The following RFC1 variants were observed in gnomAD, a reference collection of about 807,000 sequenced individuals.
The protein encoded by RFC1 is A1 140 kDa subunit.
In RFC1, 37 loss-of-function variants were observed where a neutral mutation model predicts 137.4. The observed-to-expected ratio is 0.27, with a 90% CI of 0.21 to 0.35. The LOEUF is 0.35. RFC1 is among the 10% of genes least tolerant of loss of function. RFC1 has a pLI of 1.00. For missense variants in RFC1, 1,205 were observed against 1,358.5 expected (o/e 0.89, Z 1.78); for synonymous variants, 429 against 455.7 (o/e 0.94, Z 0.75).
At chr4:39,296,835 T>C (rs1260342920) in intron 21 of RFC1, among the ~76,000 whole-genome samples, 1 of 149,882 alleles carries the variant, frequency 6.7e-6, no homozygotes, top group African/African-American at 2.4e-5. Flanking sequence ...CACACTGACT[T>C]CCACAATGGT....
intron 21 of RFC1, among the ~76,000 whole-genome samples, chr4:39,298,307 C>CAAAAAAA (rs55727769): frequency 4.1e-4 from 46 of 111,204 alleles, no homozygotes; most frequent in African/African-American, 1.4e-3. Flanking sequence ...GACCTTGTCT[C>CAAAAAAA]AAAAAAAAAA....
rs540225174 is a variant in RFC1, at chr4:39,302,272, T to C, written c.2535+6A>G. On this transcript the variant is annotated splice_donor_region_variant and intron_variant, in intron 19 of 24. Coordinates refer to ENST00000349703, the MANE Select transcript of RFC1 (RefSeq NM_002913.5). ...AAAGTAACTAAGACATGGACATTTA[T>C]TTTACCATTTTGATATCCTTTTTGG... 2.3e-5 allele frequency: 37 copies of C among 1,581,216 alleles called. No individual in the cohort carries two copies. In the South Asian group the frequency reaches 3.6e-4, roughly 16 times the overall value.
At chr4:39,327,930 G>A (rs553309291) in intron 4 of RFC1, among the ~76,000 whole-genome samples, 174 bp from the exon 5 acceptor site, 27 of 152,162 alleles carry the variant, frequency 1.8e-4, no homozygotes, top group African/African-American at 6.3e-4. Context: ...TCAGGAGTTC[G>A]AGACCAGTCT....
intron 22 of RFC1, among the ~76,000 whole-genome samples, chr4:39,292,802 C>T (rs939710691): frequency 3.3e-5 from 5 of 150,486 alleles, no homozygotes; most frequent in Admixed American, 6.6e-5. Context: ...CCACCACACC[C>T]GGCTAATTTT....
At chr4:39,365,596 G>T in intron 1 of RFC1, 1 of 474,984 alleles carries the variant, frequency 2.1e-6, no homozygotes, top group Non-Finnish European at 2.8e-6. Flanking sequence ...GATGACAGCT[G>T]TCAAATGTCT....
intron 12 of RFC1, among the ~76,000 whole-genome samples, chr4:39,310,765 T>C (rs1318083009): frequency 1.3e-5 from 2 of 152,246 alleles, no homozygotes. Flanking sequence ...AATACAGTTC[T>C]AATTGAAAAC....
At chr4:39,304,953 G>C (rs936991545) in intron 14 of RFC1, 25 bp from the exon 15 acceptor site, 1 of 1,371,570 alleles carries the variant, frequency 7.3e-7, no homozygotes. Flanking sequence ...GGAAACCACT[G>C]AAGGCACAAT....
rs144679987 is a variant in RFC1 at position 39,306,637 on chromosome 4, G to A, written c.1950C>T (p.Gly650=). 107 of 1,613,314 alleles carry A rather than the reference G, an allele frequency of 6.6e-5. No individual in the cohort carries two copies. Among genetic ancestry groups the A allele is most frequent in the African/African-American group, 3.3e-4 (25 of 74,886 alleles). Residue 650 remains glycine, a synonymous_variant, in exon 14 of 25, where the codon GGC becomes GGT. Transcript: ENST00000349703. The part of the protein sequence containing the change: ...GSSFKAALLS[G]PPGVGKTTTA... Reference sequence around the variant, plus strand: ...TGGTGGTTTTGCCAACACCAGGAGGGCCTGACAGCAACGCTGCTTTAAAAC... The same window carrying A: ...TGGTGGTTTTGCCAACACCAGGAGGACCTGACAGCAACGCTGCTTTAAAAC...
At chr4:39,290,175 A>T in intron 23 of RFC1, 136 bp from the exon 24 acceptor site, 1 of 565,170 alleles carries the variant, frequency 1.8e-6, no homozygotes, top group East Asian at 2.8e-5. Flanking sequence ...TGTAAATCTA[A>T]GTACGTGCAT....
At chr4:39,359,044 C>T (rs996380504) in intron 1 of RFC1, among the ~76,000 whole-genome samples, 1 of 152,142 alleles carries the variant, frequency 6.6e-6, no homozygotes, top group Non-Finnish European at 1.5e-5. Context: ...TCAGCTGGGA[C>T]CTGCTTCTCT....
chr4:39,289,130 T>C (rs1737527517), intron 24 of RFC1, among the ~76,000 whole-genome samples: 1 of 152,150 alleles, frequency 6.6e-6, no homozygotes, highest in African/African-American at 2.4e-5. Context: ...GAGGTATACT[T>C]AGGAAAGACA....
intron 1 of RFC1, among the ~76,000 whole-genome samples, chr4:39,355,092 A>AC: frequency 1.2e-5 from 1 of 86,064 alleles, no homozygotes; most frequent in Non-Finnish European, 2.4e-5. Context: ...AAAAAAAAAA[A>AC]AAAAATACAC....
Position 39,362,994 on chromosome 4 carries a change from G to A in RFC1, c.3+3245C>T, listed in dbSNP as rs35425513. ...AGCATTCCACATAGTAAACCATGAT[G>A]TGAAAGTTGCCTGCCTGTAGGAGTG... On this transcript the variant is annotated intron_variant, in intron 1 of 24. Transcript: ENST00000349703. Among the ~76,000 whole-genome samples the A allele has an allele frequency of 7.7e-3, 1,170 of 152,356 alleles. 8 individuals are homozygous for A. Among genetic ancestry groups the A allele is most frequent in the Non-Finnish European group, 0.013 (893 of 68,034 alleles).
At chr4:39,339,535 T>A (rs80259234) in intron 4 of RFC1, among the ~76,000 whole-genome samples, 1 of 152,222 alleles carries the variant, frequency 6.6e-6, no homozygotes, top group African/African-American at 2.4e-5. Context: ...GCCACTTTTA[T>A]GCATTCTCTG....
At chr4:39,346,685 TAGC>T (rs1740878240) in intron 2 of RFC1, among the ~76,000 whole-genome samples, 1 of 152,130 alleles carries the variant, frequency 6.6e-6, no homozygotes, top group Non-Finnish European at 1.5e-5. Context: ...AACAATCAAC[TAGC>T]TTGCAAGAAA....
intron 4 of RFC1, among the ~76,000 whole-genome samples, chr4:39,335,275 T>A (rs533506572): frequency 6.6e-6 from 1 of 152,364 alleles, no homozygotes; most frequent in African/African-American, 2.4e-5. Context: ...AAAAGGTTCA[T>A]GTATGTGCCA....
In RFC1 at chr4:39,288,814, G is replaced by T. The variant is rs749903526; in HGVS notation, c.3391C>A (p.Pro1131Thr). ...KKTKSSKPSK[P>T]EKDKEPRKGK... ...TTTCTGGGCTCCTTATCTTTTTCTG[G>T]TTTTGAAGGCTTTGAAGATTTTGTC... The change falls in exon 25 of 25, where the codon CCA becomes ACA. Residue 1131 changes from proline (P) to threonine (T), a missense_variant. Physicochemically the swap from Pro to Thr is conservative, Grantham distance 38. Around this residue, in one of 3 missense-constraint regions of RFC1, gnomAD observed 237 missense variants for 304.2 expected, o/e 0.78. Transcript: ENST00000349703. 3 of 1,612,298 alleles carry T rather than the reference G, an allele frequency of 1.9e-6. No individual in the cohort carries two copies. Among genetic ancestry groups the T allele is most frequent in the Non-Finnish European group, 2.5e-6 (3 of 1,179,018 alleles).
At chr4:39,326,702 T>C (rs1739785492) in intron 5 of RFC1, 62 bp from the exon 6 acceptor site, 1 of 1,298,658 alleles carries the variant, frequency 7.7e-7, no homozygotes, top group South Asian at 1.2e-5. Flanking sequence ...TAAGGCACTT[T>C]TTCTTGACTG....
chr4:39,354,762 A>C lies in RFC1; in HGVS notation c.4-3286T>G, dbSNP rs1228097765. On this transcript the variant is annotated intron_variant, in intron 1 of 24. Coordinates refer to ENST00000349703, the MANE Select transcript of RFC1 (RefSeq NM_002913.5). ...GTGAAACTATCTCAAAAAAAAAAAA[A>C]AAAAAAAAAAAGCAACTAACTTAAA... Among the ~76,000 whole-genome samples, 5 of 150,072 alleles carry C rather than the reference A, an allele frequency of 3.3e-5. No individual in the cohort carries two copies. In the East Asian group the frequency reaches 9.7e-4, roughly 29 times the overall value.
Sources: gnomAD v4.1 joint callset for allele counts (sites outside exome capture counted in the v4.1 genomes callset) on GRCh38, gnomAD v4.1.1 for gene constraint, gnomAD v4.1.1 regional missense constraint, MANE v1.5 for transcripts, NCBI Gene and HGNC (gene_info 2026-07-23, HGNC 2026-07-21) for gene names.